ACAP3: variants seen among roughly 807,000 people sequenced by gnomAD.
The protein encoded by ACAP3 is arf-GAP with coiled-coil, ANK repeat and PH domain-containing protein 3.
A neutral mutation model predicts 104.1 loss-of-function variants in ACAP3; 56 were observed. The ratio of observed to expected loss-of-function variants is 0.54; its 90% CI spans 0.43 to 0.67. The LOEUF (loss-of-function observed/expected upper bound fraction) is 0.67. ACAP3 is among the 30% of genes least tolerant of loss of function. The pLI, the probability that ACAP3 is intolerant of heterozygous loss-of-function variation, is 0.00. For synonymous variants in ACAP3, 628 were observed against 496.2 expected, an observed-to-expected ratio of 1.27 and a Z score of -3.53; for missense variants, 1,208 against 1,174.9, an observed-to-expected ratio of 1.03 and a Z score of -0.41.
At chr1:1,301,881 C>T in intron 5 of ACAP3, 107 bp downstream of exon 5, 1 of 1,118,312 alleles carries the variant, frequency 8.9e-7, no homozygotes, top group Non-Finnish European at 1.2e-6. Flanking sequence ...GCTGCACAGC[C>T]TGGAGGCCTG....
At position 1,300,166 on chromosome 1, in the gene ACAP3, G is replaced by A. The variant is rs1417146388; in HGVS notation, c.559C>T (p.Leu187=). ...AGCCCCCACGCACTCACAGAGTCCA[G>A]GATCTCAAACTTCTTCTTGGCCTGC... ...VLQAKKKFEI[L]DSMLSFMHAQ... is the part of the protein sequence containing the mutation. The change falls in exon 7 of 24, where the codon CTG becomes TTG. Residue 187 remains leucine, a synonymous_variant. Transcript: ENST00000354700. 1.9e-6 allele frequency: 3 copies of A among 1,610,698 alleles called. No homozygotes were observed. The highest frequency in any genetic ancestry group is 3.3e-4 in the Middle Eastern group (2 of 6,048).
chr1:1,304,162 T>C lies in ACAP3; in HGVS notation c.48-19A>G. 1 of 1,550,398 alleles carries C rather than the reference T, an allele frequency of 6.4e-7. No homozygotes were observed. The highest frequency in any genetic ancestry group is 1.2e-5 in the South Asian group (1 of 84,066). Reference sequence around the variant, plus strand: ...GGTCGCCCTAAAGCAAGAACGGGGCTGGCTGGGGTCACCTGCAGCCTCAGC... The same window carrying C: ...GGTCGCCCTAAAGCAAGAACGGGGCCGGCTGGGGTCACCTGCAGCCTCAGC... On this transcript the variant is annotated intron_variant, in intron 1 of 23. Transcript: ENST00000354700.
rs770110121 is a variant in ACAP3, at chr1:1,298,635, C to T, written c.795G>A (p.Ala265=). Residue 265 remains alanine (A), a synonymous_variant, in exon 11 of 24, where the codon GCG becomes GCA. Transcript: ENST00000354700. The part of the protein sequence containing the change: ...DESKVEFDVD[A]PSGVVMEGYL... ...AGCCCTCCATCACCACCCCACTGGG[C>T]GCGTCCACGTCAAACTCCACTTTGG... 3.6e-5 allele frequency: 58 copies of T among 1,612,224 alleles called. No individual in the cohort carries two copies. The highest frequency in any genetic ancestry group is 4.2e-5 in the Non-Finnish European group (49 of 1,179,796).
chr1:1,307,685 T>A (rs1276666199), intron 1 of ACAP3, 84 bp downstream of exon 1: 1 of 1,038,856 alleles, frequency 9.6e-7, no homozygotes, highest in Non-Finnish European at 1.2e-6. Flanking sequence ...GGCCCGGCGC[T>A]GACCTCCCCA....
intron 1 of ACAP3, chr1:1,305,507 G>C (rs576042979): frequency 6.6e-6 from 1 of 152,404 alleles, no homozygotes; most frequent in East Asian, 1.9e-4. Context: ...TGGGGCGCCC[G>C]TGTCCCTGGA....
intron 1 of ACAP3, chr1:1,307,449 G>C (rs953269161): frequency 3.9e-5 from 50 of 1,295,052 alleles, no homozygotes; most frequent in Non-Finnish European, 5.0e-5. Context: ...ACCCTGGCCA[G>C]AGCTGGACTG....
rs1265339264 is a variant in ACAP3, at chr1:1,294,484, G to A, written c.2057C>T (p.Ala686Val). ...ARARDLPALA[A>V]ALAHGAEVNW... is the part of the protein sequence containing the mutation. ...GACCTCGGCCCCGTGGGCCAGCGCC[G>A]CCGCCAGCGCAGGAAGGTCGCGGGC... Residue 686 changes from alanine (A) to valine (V), a missense_variant, in exon 21 of 24, where the codon GCG (alanine) becomes GTG (valine). Ala to Val is a moderately conservative substitution (Grantham distance 64, BLOSUM62 0). Transcript: ENST00000354700. 2 of 1,545,884 alleles carry A rather than the reference G, an allele frequency of 1.3e-6. No homozygotes were observed. Among genetic ancestry groups the A allele is most frequent in the South Asian group, 1.2e-5 (1 of 84,708 alleles).
Position 1,297,889 on chromosome 1 carries a change from C to A in ACAP3, c.1061G>T (p.Trp354Leu). 1 of 1,612,082 alleles carries A rather than the reference C, an allele frequency of 6.2e-7. No individual in the cohort carries two copies. Reference sequence around the variant, plus strand: ...GATGCTGGCCTGCACAGCCTGGACCCAGGCTTGCCGCAGCTTCTCGGAGTC... The same window carrying A: ...GATGCTGGCCTGCACAGCCTGGACCAAGGCTTGCCGCAGCTTCTCGGAGTC... The part of the protein sequence containing the change: ...QADSEKLRQA[W>L]VQAVQASIAS... Residue 354 changes from tryptophan to leucine, a missense_variant, in exon 14 of 24, where the codon TGG becomes TTG. Transcript: ENST00000354700.
At position 1,294,504 on chromosome 1, in the gene ACAP3, G is replaced by A. The variant is rs1382464184; in HGVS notation, c.2037C>T (p.Arg679=). The change falls in exon 21 of 24, where the codon CGC becomes CGT. Residue 679 remains arginine (R), a synonymous_variant. Transcript: ENST00000354700. ...GCGCCGCCGCCAGCGCAGGAAGGTC[G>A]CGGGCACGCGCTGCGCGGTGCGCCA... ...GLLAHRAARA[R]DLPALAAALA... 4 of 1,525,552 alleles carry A rather than the reference G, an allele frequency of 2.6e-6. No homozygotes were observed. The South Asian group carries it at 3.6e-5, about 14-fold the overall frequency. The allele number at this position is 1,525,552 out of a possible 1,614,324, so 94.5% of individuals were successfully genotyped here. A position where few individuals can be genotyped will look rare whatever the true frequency, so the allele number is the denominator to read the frequency against.
At chr1:1,297,664 C>T (rs1468676750) in intron 14 of ACAP3, among the ~76,000 whole-genome samples, 158 bp downstream of exon 14, 1 of 91,136 alleles carries the variant, frequency 1.1e-5, no homozygotes, top group Non-Finnish European at 1.7e-5. Flanking sequence ...TGTGCACAGG[C>T]GCGGGGCAGG....
Position 1,294,813 on chromosome 1 carries a change from A to AG in ACAP3, c.1816dup (p.Leu606ProfsTer3), listed in dbSNP as rs1372121000. ...GCCCCCAAGGCCACTGTCGCTACTC[A>AG]GACCTGCAGGTCCGCAGGGAAGGGG... is the stretch of plus-strand genomic sequence containing the variant. On this transcript the variant is annotated frameshift_variant, in exon 20 of 24. Transcript: ENST00000354700. LOFTEE classifies it high-confidence loss of function. 6.5e-7 allele frequency: 1 copy of AG among 1,549,748 alleles called. No individual in the cohort carries two copies. Among genetic ancestry groups the AG allele is most frequent in the Non-Finnish European group, 8.7e-7 (1 of 1,146,636 alleles).
chr1:1,294,407 G>C lies in ACAP3; in HGVS notation c.2134C>G (p.Leu712Val). Residue 712 changes from leucine (L) to valine (V), a missense_variant, in exon 21 of 24, where the codon CTA (leucine) becomes GTA (valine). Transcript: ENST00000354700. Reference protein sequence around the residue: ...EGKTPLVQAVLGGSLIVCEFL... With the variant: ...EGKTPLVQAVVGGSLIVCEFL... Reference sequence around the variant, plus strand: ...AGCCCCCGTGGCTCGCTCACCCCTAGCACGGCCTGCACCAGCGGCGTCTTG... The same window carrying C: ...AGCCCCCGTGGCTCGCTCACCCCTACCACGGCCTGCACCAGCGGCGTCTTG... The C allele has an allele frequency of 1.3e-6, 2 of 1,574,508 alleles. No homozygotes were observed. Among genetic ancestry groups the C allele is most frequent in the South Asian group, 1.2e-5 (1 of 86,540 alleles).
chr1:1,304,274 G>T, intron 1 of ACAP3, 131 bp from the exon 2 acceptor site: 1 of 1,110,780 alleles, frequency 9.0e-7, no homozygotes, highest in Non-Finnish European at 1.3e-6. Flanking sequence ...GGAGACAGAC[G>T]CCTGCCTGCT....
intron 1 of ACAP3, chr1:1,304,416 G>A: frequency 1.8e-6 from 1 of 560,638 alleles, no homozygotes; most frequent in Non-Finnish European, 3.2e-6. Flanking sequence ...GCCGGCCGCT[G>A]GGAGTCCCTC....
In ACAP3 at chr1:1,294,597, C is replaced by T. The variant is rs1259961027; in HGVS notation, c.1944G>A (p.Glu648=). The T allele has an allele frequency of 2.0e-6, 3 of 1,519,216 alleles. No homozygotes were observed. Among genetic ancestry groups the T allele is most frequent in the African/African-American group, 2.8e-5 (2 of 71,314 alleles). The allele number at this position is 1,519,216 out of a possible 1,614,324, so 94.1% of individuals were successfully genotyped here. A position where few individuals can be genotyped will look rare whatever the true frequency, so the allele number is the denominator to read the frequency against. The change falls in exon 21 of 24, where the codon GAG becomes GAA. Residue 648 remains glutamate (E), a synonymous_variant. Coordinates refer to ENST00000354700, the MANE Select transcript of ACAP3 (RefSeq NM_030649.3). ...EGAESEESSG[E]ADGDTEAEAW... ...CCTCGGCCTCAGTGTCCCCGTCTGC[C>T]TCACCGCTGGACTCCTCCGACTCTG...
intron 19 of ACAP3, 133 bp from the exon 20 acceptor site, chr1:1,294,949 C>T (rs1641051301): frequency 2.5e-6 from 2 of 799,000 alleles, no homozygotes; most frequent in African/African-American, 3.5e-5. Flanking sequence ...CACCCAGGGC[C>T]GGGGGGAGCC....
rs899014254 is a variant in ACAP3 at position 1,303,209 on chromosome 1, C to T, written c.178G>A (p.Gly60Ser). ...YVSTSRLFVS[G>S]VRDLSQQCQG... is the part of the protein sequence containing the mutation. ...CACTGCTGGGACAGGTCGCGGACGC[C>T]GCTCACGAAAAGCCTGCTGGTGCTG... Residue 60 changes from glycine (G) to serine (S), a missense_variant, in exon 3 of 24, where the codon GGC (glycine) becomes AGC (serine). Gly to Ser is a moderately conservative substitution (Grantham distance 56, BLOSUM62 0). Transcript: ENST00000354700. The surrounding 1 kb of genome is among the most constrained non-coding windows in gnomAD (Gnocchi z 4.0). The T allele has an allele frequency of 8.1e-6, 13 of 1,607,268 alleles. No individual in the cohort carries two copies. The highest frequency in any genetic ancestry group is 2.2e-5 in the East Asian group (1 of 44,624).
rs758335799 is a variant in ACAP3, at chr1:1,294,135, C to G, written c.2204G>C (p.Arg735Pro). ...GGCGTGGTGCAGGGGCGCCCGGCCC[C>G]GGCTGTCTCTTTGGTTCACGTCCGC... Reference protein sequence around the residue: ...NGADVNQRDSRGRAPLHHATL... With the variant: ...NGADVNQRDSPGRAPLHHATL... The change falls in exon 22 of 24, where the codon CGG (arginine) becomes CCG (proline). Residue 735 changes from arginine to proline, a missense_variant. By Grantham distance (103) the Arg-to-Pro change is moderately radical. Coordinates refer to ENST00000354700, the MANE Select transcript of ACAP3 (RefSeq NM_030649.3). 6.3e-7 allele frequency: 1 copy of G among 1,593,786 alleles called. No individual in the cohort carries two copies. The highest frequency in any genetic ancestry group is 8.5e-7 in the Non-Finnish European group (1 of 1,170,522).
rs1640934991 is a variant in ACAP3 at position 1,293,531 on chromosome 1, G to C, written c.*33C>G. On this transcript the variant is annotated 3_prime_UTR_variant, in exon 24 of 24. Coordinates refer to ENST00000354700, the MANE Select transcript of ACAP3 (RefSeq NM_030649.3). ...TTCGGGGCATGCGGGGCGTCGGGCC[G>C]GGCGGGGTGGCAGCTGCCCGGCCTG... 7.1e-7 allele frequency: 1 copy of C among 1,418,294 alleles called. No homozygotes were observed. The highest frequency in any genetic ancestry group is 9.2e-7 in the Non-Finnish European group (1 of 1,092,320). The allele number at this position is 1,418,294 out of a possible 1,614,324, so 87.9% of individuals were successfully genotyped here.
Sources: gnomAD v4.1 joint callset for allele counts (sites outside exome capture counted in the v4.1 genomes callset) on GRCh38, gnomAD v4.1.1 for gene constraint, Gnocchi (gnomAD v3.1) non-coding constraint, MANE v1.5 for transcripts, NCBI Gene and HGNC (gene_info 2026-07-23, HGNC 2026-07-21) for gene names.